Variants in ARFGEF1 observed in about 807,000 individuals in gnomAD.
ARFGEF1 encodes ARF guanine nucleotide exchange factor 1.
In ARFGEF1, 42 loss-of-function variants were observed where a neutral mutation model predicts 231.0. The observed-to-expected ratio is 0.18, with a 90% confidence interval of 0.14 to 0.24. The LOEUF (loss-of-function observed/expected upper bound fraction) is 0.24. Among genes scored for constraint, ARFGEF1 ranks in the 10% least tolerant of loss-of-function variants. ARFGEF1 has a pLI of 1.00. For synonymous variants in ARFGEF1, 710 were observed against 732.3 expected, an observed-to-expected ratio of 0.97 and a Z score of 0.49; for missense variants, 1,345 against 2,192.0, an observed-to-expected ratio of 0.61 and a Z score of 7.72.
chr8:67,258,018 C>A, intron 16 of ARFGEF1, 67 bp downstream of exon 16: 1 of 1,433,728 alleles, frequency 7.0e-7, no homozygotes, highest in South Asian at 1.2e-5. Flanking sequence ...CTGTAAATCC[C>A]TGGATGCTAC....
At chr8:67,256,259 C>T (rs1279787314) in intron 17 of ARFGEF1, among the ~76,000 whole-genome samples, 1 of 152,010 alleles carries the variant, frequency 6.6e-6, no homozygotes, top group African/African-American at 2.4e-5. Context: ...CAAAAATATG[C>T]CAGAGGCAAA....
intron 35 of ARFGEF1, among the ~76,000 whole-genome samples, chr8:67,203,484 C>G (rs1415202578): frequency 6.6e-6 from 1 of 152,228 alleles, no homozygotes; most frequent in East Asian, 1.9e-4. Context: ...CCCTGCGTTC[C>G]TCAGCCCCTC....
chr8:67,193,473 C>A, downstream of ARFGEF1: 2 of 1,612,352 alleles, frequency 1.2e-6, no homozygotes, highest in South Asian at 2.2e-5. Flanking sequence ...GGATAGCAGT[C>A]GTCCTAATGT....
intron 7 of ARFGEF1, among the ~76,000 whole-genome samples, chr8:67,285,516 TG>T (rs1434902006): frequency 1.3e-5 from 2 of 151,720 alleles, no homozygotes; most frequent in East Asian, 1.9e-4. Context: ...GACCTTATCT[TG>T]GGGGGAAAAC....
At chr8:67,183,773 T>C (rs1833616722) in intron 5 of ARFGEF1, among the ~76,000 whole-genome samples, 2 of 151,038 alleles carry the variant, frequency 1.3e-5, no homozygotes, top group Non-Finnish European at 2.9e-5. Context: ...TGATGACTTT[T>C]AGATAAAAAA....
chr8:67,309,881 T>G (rs547375237), intron 1 of ARFGEF1, among the ~76,000 whole-genome samples: 93 of 152,322 alleles, frequency 6.1e-4, no homozygotes, highest in Non-Finnish European at 1.1e-3. Flanking sequence ...TTAATTATTA[T>G]CCTTGTTATT....
intron 1 of ARFGEF1, among the ~76,000 whole-genome samples, chr8:67,324,239 A>C (rs770697249): frequency 6.6e-6 from 1 of 152,220 alleles, no homozygotes; most frequent in Non-Finnish European, 1.5e-5. Context: ...GTTTGCAGTG[A>C]GGCGGGATCG....
intron 20 of ARFGEF1, 118 bp from the exon 21 acceptor site, chr8:67,239,011 AT>A: frequency 1.2e-6 from 1 of 806,242 alleles, no homozygotes; most frequent in Non-Finnish European, 1.7e-6. Context: ...TTTTTAATTT[AT>A]TTATTAATTT....
chr8:67,256,295 A>G (rs1840451538), intron 17 of ARFGEF1, among the ~76,000 whole-genome samples: 1 of 152,188 alleles, frequency 6.6e-6, no homozygotes, highest in Non-Finnish European at 1.5e-5. Flanking sequence ...TTCTTTAATA[A>G]ATTTTTAAAG....
rs1006140248 is a variant in ARFGEF1, at chr8:67,200,347, T to A, written c.5385+49A>T. On this transcript the variant is annotated intron_variant, in intron 38 of 38. Coordinates refer to ENST00000262215, the MANE Select transcript of ARFGEF1 (RefSeq NM_006421.5). ...GCGGCTCTGGGACCCCGCATCCCAATGCGAATTGGGCTAGAAATGTGGGGC... is the reference window on the plus strand; with the variant it reads ...GCGGCTCTGGGACCCCGCATCCCAAAGCGAATTGGGCTAGAAATGTGGGGC... 2.9e-6 allele frequency: 4 copies of A among 1,361,842 alleles called. No individual in the cohort carries two copies. The African/African-American group carries it at 5.7e-5, about 20-fold the overall frequency. 84.4% of individuals were successfully genotyped at this position (1,361,842 alleles called of 1,614,324 possible).
downstream of ARFGEF1, chr8:67,195,503 C>G (rs771696486): frequency 1.2e-6 from 2 of 1,614,100 alleles, no homozygotes; most frequent in East Asian, 4.5e-5. Context: ...TGAAACGTTT[C>G]ATGGCAGAGC....
chr8:67,179,959 TTTAAATA>T, intron 5 of ARFGEF1: 1 of 1,236,664 alleles, frequency 8.1e-7, no homozygotes, highest in Non-Finnish European at 1.2e-6. Flanking sequence ...GGCTATATTG[TTTAAATA>T]TTAAACCTTT....
intron 29 of ARFGEF1, among the ~76,000 whole-genome samples, chr8:67,220,559 T>C (rs1213638284): frequency 1.3e-5 from 2 of 152,186 alleles, no homozygotes; most frequent in Admixed American, 6.5e-5. Flanking sequence ...ATTGGTCTAT[T>C]TGATCCCTAA....
chr8:67,312,523 A>G (rs1449053744), intron 1 of ARFGEF1, among the ~76,000 whole-genome samples: 2 of 152,198 alleles, frequency 1.3e-5, no homozygotes, highest in African/African-American at 2.4e-5. Context: ...CAGATGAAGG[A>G]TAACAAAAAA....
At chr8:67,270,727 A>C (rs1002360403) in intron 10 of ARFGEF1, among the ~76,000 whole-genome samples, 5 of 150,564 alleles carry the variant, frequency 3.3e-5, no homozygotes, top group East Asian at 1.9e-4. Context: ...AAAAAAAAAA[A>C]AAAAAAACCA....
At chr8:67,254,613 A>C (rs1840398125) in intron 17 of ARFGEF1, among the ~76,000 whole-genome samples, 1 of 152,132 alleles carries the variant, frequency 6.6e-6, no homozygotes, top group Non-Finnish European at 1.5e-5. Context: ...ATGGCACAAG[A>C]CCAGGAATTC....
intron 22 of ARFGEF1, among the ~76,000 whole-genome samples, chr8:67,236,361 AAAAAATATATATATAT>A (rs1380354685): frequency 2.4e-4 from 10 of 42,062 alleles, no homozygotes; most frequent in African/African-American, 9.2e-4. Context: ...AAAAAAAAAA[AAAAAATATATATATAT>A]ATATATATAT....
intron 5 of ARFGEF1, among the ~76,000 whole-genome samples, chr8:67,185,963 A>T (rs1428127027): frequency 2.0e-5 from 3 of 152,202 alleles, no homozygotes; most frequent in Admixed American, 6.5e-5. Context: ...CTTTGCACTT[A>T]AAGCAAAAAT....
chr8:67,271,959 T>A, intron 9 of ARFGEF1, 23 bp from the exon 10 acceptor site: 1 of 1,483,364 alleles, frequency 6.7e-7, no homozygotes, highest in Non-Finnish European at 9.3e-7. Flanking sequence ...AAAGAAGGCA[T>A]AGTATATGAA....
Sources: allele counts gnomAD v4.1 joint callset (sites outside exome capture counted in the v4.1 genomes callset), GRCh38; gene constraint gnomAD v4.1.1; transcripts MANE v1.5; gene names NCBI Gene and HGNC (gene_info 2026-07-23, HGNC 2026-07-21).